Variants in MRAP2 observed in about 807,000 individuals in gnomAD.
MRAP2 encodes the protein melanocortin-2 receptor accessory protein 2.
Under a neutral mutation model 17.4 loss-of-function variants are expected in MRAP2, and 20 were observed. That is an observed-to-expected ratio of 1.15 (90% confidence interval 0.81 to 1.67). The LOEUF (loss-of-function observed/expected upper bound fraction) is 1.67, where lower values mean the gene tolerates loss of function less well. Ranked by LOEUF, MRAP2 falls within the 40% of genes most tolerant of loss-of-function variation. MRAP2 has a pLI of 0.00. For missense variants in MRAP2, 238 were observed against 240.0 expected (o/e 0.99, Z 0.05); for synonymous variants, 96 against 88.4 (o/e 1.09, Z -0.48).
At chr6:84,125,212 C>T in the MRAP2 span, 1 of 1,613,628 alleles carries the variant, frequency 6.2e-7, no homozygotes. Context: ...CTGTGCCAGT[C>T]TTTTCCATTT....
At chr6:84,139,687 A>G in the MRAP2 span, among the ~76,000 whole-genome samples, 2 of 152,214 alleles carry the variant, frequency 1.3e-5, no homozygotes, top group Non-Finnish European at 2.9e-5. Flanking sequence ...CAAGAAAGGA[A>G]GGTAAAATTT....
At chr6:84,083,650 A>C (rs2099499558) in intron 3 of MRAP2, among the ~76,000 whole-genome samples, 1 of 152,152 alleles carries the variant, frequency 6.6e-6, no homozygotes, top group Admixed American at 6.5e-5. Context: ...TTTGTCAACA[A>C]ACTTAAAACC....
chr6:84,055,588 G>A lies in MRAP2; in HGVS notation c.127+143G>A, dbSNP rs565983171. 4.5e-4 allele frequency: 349 copies of A among 780,270 alleles called. 1 individual carries two copies. The African/African-American group carries it at 4.7e-3, about 11-fold the overall frequency. The allele number at this position is 780,270 out of a possible 1,614,324, so 48.3% of individuals were successfully genotyped here. A position where few individuals can be genotyped will look rare whatever the true frequency, so the allele number is the denominator to read the frequency against. On this transcript the variant is annotated intron_variant, in intron 2 of 3. Transcript: ENST00000257776. ...CCTCCCAAATTCTACAAAACATCTCGCCTCCACACATAGGCTGATTGCTCA... is the reference window on the plus strand; with the variant it reads ...CCTCCCAAATTCTACAAAACATCTCACCTCCACACATAGGCTGATTGCTCA...
chr6:84,064,035 A>G (rs2099493857), intron 3 of MRAP2, among the ~76,000 whole-genome samples: 1 of 151,002 alleles, frequency 6.6e-6, no homozygotes, highest in Admixed American at 6.6e-5. Flanking sequence ...ACAGAGCCAG[A>G]CTCTGTCTAA....
the MRAP2 span, chr6:84,124,423 G>GC: frequency 6.6e-6 from 1 of 152,206 alleles, no homozygotes; most frequent in Non-Finnish European, 1.5e-5. Flanking sequence ...GTCATTTGCA[G>GC]CAACATGGAT....
rs185135397 is a variant in MRAP2, at chr6:84,076,550, G to A, written c.228-12541G>A. On this transcript the variant is annotated intron_variant, in intron 3 of 3. Transcript: ENST00000257776. ...AATTTTTGTATTTTTAGTAGAGACAGGGTTTCACCACGTTGCCCAGGCTGG... is the reference window on the plus strand; with the variant it reads ...AATTTTTGTATTTTTAGTAGAGACAAGGTTTCACCACGTTGCCCAGGCTGG... 5.8e-3 allele frequency among the ~76,000 whole-genome samples: 890 copies of A among 152,138 alleles called. 4 individuals carry two copies. The highest frequency in any genetic ancestry group is 0.021 in the African/African-American group (858 of 41,488).
chr6:84,063,030 A>AC (rs1363843816), intron 3 of MRAP2, 38 bp downstream of exon 3: 27 of 1,613,284 alleles, frequency 1.7e-5, no homozygotes, highest in Non-Finnish European at 2.2e-5. Context: ...CTTAAGCCTC[A>AC]CAGGAGACTG....
intron 1 of MRAP2, among the ~76,000 whole-genome samples, chr6:84,051,764 G>T (rs1446559467): frequency 6.6e-6 from 1 of 152,192 alleles, no homozygotes; most frequent in Non-Finnish European, 1.5e-5. Context: ...GCCCAGGAGT[G>T]GTGTGGGAAC....
At chr6:84,073,942 G>A (rs1444466455) in intron 3 of MRAP2, among the ~76,000 whole-genome samples, 2 of 148,334 alleles carry the variant, frequency 1.3e-5, no homozygotes, top group Admixed American at 1.3e-4. Flanking sequence ...TTTTATGTGT[G>A]GCCCAAGACA....
chr6:84,084,985 A>C (rs1027694403), intron 3 of MRAP2, among the ~76,000 whole-genome samples: 3 of 147,656 alleles, frequency 2.0e-5, no homozygotes, highest in Non-Finnish European at 4.4e-5. Context: ...TTTAGGGTAC[A>C]TGTGCACAAC....
chr6:84,071,886 C>T (rs1223274891), intron 3 of MRAP2, among the ~76,000 whole-genome samples: 1 of 152,128 alleles, frequency 6.6e-6, no homozygotes, highest in African/African-American at 2.4e-5. Flanking sequence ...CTTTCCAGAG[C>T]ATTTTCCATT....
At chr6:84,111,068 T>C in the MRAP2 span, among the ~76,000 whole-genome samples, 1 of 152,216 alleles carries the variant, frequency 6.6e-6, no homozygotes, top group African/African-American at 2.4e-5. Context: ...TGCTGAGGAT[T>C]GTCTTGGCTA....
chr6:84,042,328 G>T (rs1216934865), intron 1 of MRAP2, among the ~76,000 whole-genome samples: 1 of 152,142 alleles, frequency 6.6e-6, no homozygotes, highest in East Asian at 1.9e-4. Context: ...TTTATTAGCA[G>T]TATGAGAATG....
At chr6:84,035,493 T>G in intron 1 of MRAP2, 1 of 824,444 alleles carries the variant, frequency 1.2e-6, no homozygotes, top group Non-Finnish European at 1.5e-6. Context: ...AGGCTAATGA[T>G]CAGTTTAGTG....
upstream of MRAP2, chr6:84,033,674 G>A: frequency 2.0e-6 from 2 of 985,104 alleles, no homozygotes; most frequent in Non-Finnish European, 2.4e-6. Flanking sequence ...TCGCGCTGGG[G>A]AGGCGGCTCC....
intron 3 of MRAP2, among the ~76,000 whole-genome samples, chr6:84,076,620 A>G (rs2099497701): frequency 6.6e-6 from 1 of 152,098 alleles, no homozygotes; most frequent in South Asian, 2.1e-4. Context: ...TCGGCCTCCC[A>G]AAGTGCTGGG....
intron 3 of MRAP2, among the ~76,000 whole-genome samples, chr6:84,065,083 G>A (rs889674929): frequency 3.3e-5 from 5 of 152,174 alleles, no homozygotes; most frequent in South Asian, 2.1e-4. Context: ...TGAGGAGTTC[G>A]AGAACAGCCT....
chr6:84,084,087 C>T (rs1362692074), intron 3 of MRAP2, among the ~76,000 whole-genome samples: 2 of 152,008 alleles, frequency 1.3e-5, no homozygotes, highest in Non-Finnish European at 2.9e-5. Context: ...AATAATAAAC[C>T]TCTCATCCTT....
chr6:84,105,394 A>G, the MRAP2 span, among the ~76,000 whole-genome samples: 1 of 152,200 alleles, frequency 6.6e-6, no homozygotes, highest in Non-Finnish European at 1.5e-5. Context: ...CATGTCTTAC[A>G]TGGATGACAG....
Sources: allele counts gnomAD v4.1 joint callset (sites outside exome capture counted in the v4.1 genomes callset), GRCh38; gene constraint gnomAD v4.1.1; transcripts MANE v1.5; gene names NCBI Gene and HGNC (gene_info 2026-07-23, HGNC 2026-07-21).